Variants in STAU1 observed in about 807,000 individuals in gnomAD.
STAU1 encodes the protein double-stranded RNA-binding protein Staufen homolog 1.
A neutral mutation model predicts 62.9 loss-of-function variants in STAU1; 13 were observed. The ratio of observed to expected loss-of-function variants is 0.21; its 90% CI spans 0.13 to 0.33. The LOEUF is 0.33. Ranked by LOEUF, STAU1 falls within the 10% of genes least tolerant of loss-of-function variation. The probability of loss-of-function intolerance (pLI) is 1.00; values close to 1 mark genes in which losing one functional copy is unlikely to be tolerated. For missense variants in STAU1, 571 were observed against 712.1 expected (o/e 0.80, Z 2.25); for synonymous variants, 269 against 265.1 (o/e 1.01, Z -0.14).
intron 1 of STAU1, among the ~76,000 whole-genome samples, chr20:49,177,805 A>G (rs139748251): frequency 6.5e-4 from 98 of 151,490 alleles, no homozygotes; most frequent in Non-Finnish European, 1.2e-3. Flanking sequence ...GCAAAGAAAG[A>G]AGAGAGAGAG....
intron 1 of STAU1, among the ~76,000 whole-genome samples, chr20:49,180,333 C>CCT (rs909997230): frequency 3.1e-3 from 48 of 15,324 alleles, no homozygotes; most frequent in Non-Finnish European, 6.1e-3. Context: ...TTTTTTTTTT[C>CCT]CCCCCCTGGA....
At chr20:49,163,427 T>C (rs2093479653) in intron 3 of STAU1, among the ~76,000 whole-genome samples, 1 of 50,082 alleles carries the variant, frequency 2.0e-5, no homozygotes. Flanking sequence ...ACCTTTTTTT[T>C]TTTTTTTTTT....
rs2093018757 is a variant in STAU1, at chr20:49,142,060, C to CAAA, written c.511-6130_511-6129insTTT. Among the ~76,000 whole-genome samples, 2 of 133,056 alleles carry CAAA rather than the reference C, an allele frequency of 1.5e-5. 1 individual carries two copies. Among genetic ancestry groups the CAAA allele is most frequent in the Admixed American group, 1.5e-4 (2 of 13,424 alleles). The allele number at this position is 133,056 out of a possible 152,430, so 87.3% of individuals were successfully genotyped here. A position where few individuals can be genotyped will look rare whatever the true frequency, so the allele number is the denominator to read the frequency against. On this transcript the variant is annotated intron_variant, in intron 5 of 13. Transcript: ENST00000371856. Reference sequence around the variant, plus strand: ...GCAACATAATAAGACCTCATCTCAACAAGAACAACAACAACAACAAATATT... The same window carrying CAAA: ...GCAACATAATAAGACCTCATCTCAACAAAAAGAACAACAACAACAACAAATATT...
the STAU1 span, chr20:49,210,335 G>T: frequency 1.1e-5 from 5 of 437,160 alleles, no homozygotes; most frequent in African/African-American, 1.0e-4. Flanking sequence ...TAATTTAGCT[G>T]GGTATACAAT....
rs760976777 is a variant in STAU1 at position 49,115,786 on chromosome 20, A to G, written c.1714T>C (p.Ser572Pro). ...CCCCTTCATCAGTGCACTCACACAG[A>G]CATTGGTCCGTTTCCTGTTCTTGGC... The part of the protein sequence containing the change: ...EMPRTGNGPM[S>P]VCGRC The change falls in exon 13 of 14, where the codon TCT becomes CCT. Residue 572 changes from serine to proline, a missense_variant. By Grantham distance (74) the Ser-to-Pro change is moderately conservative. Around this residue, in one of 3 missense-constraint regions of STAU1, gnomAD observed 156 missense variants for 194.7 expected, o/e 0.80. Coordinates refer to ENST00000371856, the MANE Select transcript of STAU1 (RefSeq NM_017453.4). 6.2e-7 allele frequency: 1 copy of G among 1,614,000 alleles called. No homozygotes were observed. The highest frequency in any genetic ancestry group is 1.7e-5 in the Admixed American group (1 of 60,006).
intron 1 of STAU1, among the ~76,000 whole-genome samples, chr20:49,174,933 C>CA (rs551431293): frequency 0.24 from 14,360 of 59,368 alleles, 1,064 homozygotes; most frequent in South Asian, 0.27. Context: ...GACTCCGTCA[C>CA]AAAAAAAAAA....
intron 9 of STAU1, among the ~76,000 whole-genome samples, chr20:49,119,763 G>A (rs1404012245): frequency 2.6e-5 from 4 of 152,120 alleles, no homozygotes; most frequent in Non-Finnish European, 5.9e-5. Context: ...CAAAGATACT[G>A]ACACAATCAA....
intron 3 of STAU1, 42 bp downstream of exon 3, chr20:49,165,955 G>T: frequency 6.2e-7 from 1 of 1,600,772 alleles, no homozygotes. Context: ...AACAGGGTAA[G>T]AAAACATTTG....
At chr20:49,161,121 C>T (rs918416642) in intron 3 of STAU1, among the ~76,000 whole-genome samples, 3 of 151,390 alleles carry the variant, frequency 2.0e-5, no homozygotes, top group African/African-American at 7.3e-5. Flanking sequence ...CAACTCAAAA[C>T]AAGCCTGGGC....
intron 1 of STAU1, among the ~76,000 whole-genome samples, chr20:49,179,839 C>T (rs1485758136): frequency 6.6e-6 from 1 of 152,212 alleles, no homozygotes; most frequent in African/African-American, 2.4e-5. Flanking sequence ...CTGCTCACTT[C>T]ATGCCAAGGG....
chr20:49,199,651 C>T, the STAU1 span, among the ~76,000 whole-genome samples: 1 of 151,786 alleles, frequency 6.6e-6, no homozygotes, highest in Non-Finnish European at 1.5e-5. Context: ...TGGCTCACTG[C>T]AACCTCTGCC....
intron 2 of STAU1, among the ~76,000 whole-genome samples, chr20:49,169,855 A>T (rs2093574673): frequency 6.6e-6 from 1 of 152,218 alleles, no homozygotes; most frequent in East Asian, 1.9e-4. Flanking sequence ...CATAGCATAC[A>T]TAAGCACCAT....
In STAU1 at chr20:49,132,049, G is replaced by A. The variant is rs2092762491; in HGVS notation, c.609+3784C>T. Among the ~76,000 whole-genome samples the A allele has an allele frequency of 4.0e-5, 6 of 151,400 alleles. 1 individual carries two copies. In the South Asian group the frequency reaches 1.2e-3, roughly 31 times the overall value. On this transcript the variant is annotated intron_variant, in intron 6 of 13. Coordinates refer to ENST00000371856, the MANE Select transcript of STAU1 (RefSeq NM_017453.4). Reference sequence around the variant, plus strand: ...ATGCACTCTTTTTTTTTTTGGTGTAGGGGAAGGAGGTAGCGGAGAATGGGG... The same window carrying A: ...ATGCACTCTTTTTTTTTTTGGTGTAAGGGAAGGAGGTAGCGGAGAATGGGG...
chr20:49,117,602 C>T lies in STAU1; in HGVS notation c.1509+175G>A, dbSNP rs2092358572. ...CAAAGGATAAAGATATTTCTCTTAC[C>T]ACATATGCTTACAATACTTCTATAC... On this transcript the variant is annotated intron_variant, in intron 11 of 13. Coordinates refer to ENST00000371856, the MANE Select transcript of STAU1 (RefSeq NM_017453.4). The surrounding 1 kb of genome is among the most constrained non-coding windows in gnomAD (Gnocchi z 4.6). 6.6e-6 allele frequency among the ~76,000 whole-genome samples: 1 copy of T among 152,190 alleles called. No individual in the cohort carries two copies. The highest frequency in any genetic ancestry group is 2.4e-5 in the African/African-American group (1 of 41,446).
chr20:49,129,246 TACTG>T (rs1414770025), intron 6 of STAU1, among the ~76,000 whole-genome samples: 3 of 149,040 alleles, frequency 2.0e-5, no homozygotes, highest in Admixed American at 6.7e-5. Flanking sequence ...AACAAGATAC[TACTG>T]ACTACCTGCT....
intron 1 of STAU1, among the ~76,000 whole-genome samples, chr20:49,181,992 A>C (rs1054163705): frequency 6.6e-6 from 1 of 152,180 alleles, no homozygotes; most frequent in African/African-American, 2.4e-5. Flanking sequence ...TTCTTTCCCA[A>C]ATTAGATTCC....
chr20:49,158,396 G>A, intron 3 of STAU1: 1 of 1,266,300 alleles, frequency 7.9e-7, no homozygotes, highest in African/African-American at 1.5e-5. Flanking sequence ...AGTATGTCTA[G>A]GTCATTTAAA....
intron 2 of STAU1, among the ~76,000 whole-genome samples, chr20:49,173,830 A>T (rs2093627026): frequency 2.0e-5 from 3 of 152,212 alleles, no homozygotes; most frequent in African/African-American, 7.2e-5. Flanking sequence ...TCGTTCTATG[A>T]GTTTGAAAAT....
At chr20:49,197,078 G>A in the STAU1 span, among the ~76,000 whole-genome samples, 1 of 151,398 alleles carries the variant, frequency 6.6e-6, no homozygotes, top group African/African-American at 2.4e-5. Context: ...TAGCTTGAAC[G>A]CGGGAGGTGG....
Sources: gnomAD v4.1 joint callset for allele counts (sites outside exome capture counted in the v4.1 genomes callset) on GRCh38, gnomAD v4.1.1 for gene constraint, gnomAD v4.1.1 regional missense constraint, Gnocchi (gnomAD v3.1) non-coding constraint, MANE v1.5 for transcripts, NCBI Gene and HGNC (gene_info 2026-07-23, HGNC 2026-07-21) for gene names.